The following AXIN2 variants were observed in gnomAD, a reference collection of about 807,000 sequenced individuals.
AXIN2 encodes the protein axin-2.
In AXIN2, 21 loss-of-function variants were observed where a neutral mutation model predicts 74.7. The observed-to-expected ratio is 0.28, with a 90% confidence interval of 0.20 to 0.40. The LOEUF is 0.40. Ranked by LOEUF, AXIN2 falls within the 10% of genes least tolerant of loss-of-function variation. The probability of loss-of-function intolerance (pLI) is 1.00; values close to 1 mark genes in which losing one functional copy is unlikely to be tolerated. For missense variants in AXIN2, 1,144 were observed against 1,111.1 expected (o/e 1.03, Z -0.42); for synonymous variants, 532 against 454.9 (o/e 1.17, Z -2.16).
rs1282218712 is a variant in AXIN2, at chr17:65,544,269, T to TA, written c.957-2713dup. ...TTTTTCTTCTTCCATATAATAAGGTTAAAAAAAAAAAACAGGATGGGGGTA... is the reference window on the plus strand; with the variant it reads ...TTTTTCTTCTTCCATATAATAAGGTTAAAAAAAAAAAAACAGGATGGGGGTA... On this transcript the variant is annotated intron_variant, in intron 3 of 10. Transcript: ENST00000307078. Among the ~76,000 whole-genome samples, 1,143 of 142,194 alleles carry TA rather than the reference T, an allele frequency of 8.0e-3. 8 individuals are homozygous for TA. The highest frequency in any genetic ancestry group is 0.018 in the East Asian group (92 of 4,974). 93.3% of individuals were successfully genotyped at this position (142,194 alleles called of 152,430 possible).
At chr17:65,539,430 G>A (rs758735695) in intron 4 of AXIN2, among the ~76,000 whole-genome samples, 5 of 152,174 alleles carry the variant, frequency 3.3e-5, no homozygotes, top group African/African-American at 4.8e-5. Flanking sequence ...TGATCAAAGC[G>A]CTGCCTGATG....
chr17:65,551,847 G>A (rs545372684), intron 2 of AXIN2, among the ~76,000 whole-genome samples: 1 of 152,304 alleles, frequency 6.6e-6, no homozygotes, highest in Admixed American at 6.5e-5. Context: ...CTGTGCCCTG[G>A]ATCCTGTCCG....
intron 2 of AXIN2, among the ~76,000 whole-genome samples, chr17:65,556,405 A>G (rs1447320953): frequency 6.6e-6 from 1 of 152,184 alleles, no homozygotes; most frequent in African/African-American, 2.4e-5. Flanking sequence ...CGACTGACCT[A>G]CTGCAGAGGC....
chr17:65,536,813 C>T, intron 7 of AXIN2, 56 bp downstream of exon 7: 1 of 1,608,042 alleles, frequency 6.2e-7, no homozygotes, highest in Non-Finnish European at 8.5e-7. Flanking sequence ...CCCACAATAC[C>T]TCCGTACTGA....
At chr17:65,530,895 A>C (rs576255963) in intron 10 of AXIN2, among the ~76,000 whole-genome samples, 86 of 152,198 alleles carry the variant, frequency 5.7e-4, no homozygotes, top group African/African-American at 1.9e-3. Flanking sequence ...AGGCTGTTTA[A>C]TTGTACAGAT....
rs2043773008 is a variant in AXIN2 at position 65,529,005 on chromosome 17, C to T, written c.*971G>A. ...GTGGAGGAAAGGTGCTGCTGGGTCT[C>T]CCTACAACTGTTCATTTCTTTGTGG... On this transcript the variant is annotated 3_prime_UTR_variant, in exon 11 of 11. Coordinates refer to ENST00000307078, the MANE Select transcript of AXIN2 (RefSeq NM_004655.4). 1 of 247,962 alleles carries T rather than the reference C, an allele frequency of 4.0e-6. No homozygotes were observed. The highest frequency in any genetic ancestry group is 6.0e-5 in the East Asian group (1 of 16,796). 15.4% of individuals were successfully genotyped at this position (247,962 alleles called of 1,614,324 possible). A position where few individuals can be genotyped will look rare whatever the true frequency, so the allele number is the denominator to read the frequency against.
At chr17:65,538,089 G>A (rs772490581) in intron 5 of AXIN2, 114 bp downstream of exon 5, 2 of 1,566,328 alleles carry the variant, frequency 1.3e-6, no homozygotes, top group Admixed American at 3.6e-5. Context: ...CCACGCGCAT[G>A]CGCATGCAAC....
Position 65,544,378 on chromosome 17 carries a change from A to T in AXIN2, c.957-2821T>A, listed in dbSNP as rs553592049. ...ATAAGCACCTCATACCCCGCCCCCC[A>T]TCCCCCACCACCACCACCACACACA... On this transcript the variant is annotated intron_variant, in intron 3 of 10. Coordinates refer to ENST00000307078, the MANE Select transcript of AXIN2 (RefSeq NM_004655.4). 1.5e-4 allele frequency among the ~76,000 whole-genome samples: 9 copies of T among 60,340 alleles called. No homozygotes were observed. In the East Asian group the frequency reaches 7.1e-3, roughly 48 times the overall value. The allele number at this position is 60,340 out of a possible 152,430, so 39.6% of individuals were successfully genotyped here.
intron 5 of AXIN2, 80 bp downstream of exon 5, chr17:65,538,094 TGCAACCCACGCACATGCGCACACCCTAAC>T (rs1567757024): frequency 2.4e-5 from 38 of 1,577,518 alleles, no homozygotes; most frequent in Non-Finnish European, 3.3e-5. Flanking sequence ...CGCATGCGCA[TGCAACCCACGCACATGCGCACACCCTAAC>T]GCACCCCATG....
At position 65,536,312 on chromosome 17, in the gene AXIN2, C is replaced by A; in HGVS notation, c.2141+8G>T. The A allele has an allele frequency of 6.2e-7, 1 of 1,604,102 alleles. No individual in the cohort carries two copies. ...TGCCTCAACCTAGGACCCTTCACTT[C>A]CACTCACCGCTGCTTTGGGGGCTTC... On this transcript the variant is annotated splice_region_variant and intron_variant, in intron 8 of 10. Coordinates refer to ENST00000307078, the MANE Select transcript of AXIN2 (RefSeq NM_004655.4).
chr17:65,557,789 C>A lies in AXIN2; in HGVS notation c.815+17G>T, dbSNP rs2144581557. 1 of 1,613,536 alleles carries A rather than the reference C, an allele frequency of 6.2e-7. No individual in the cohort carries two copies. The highest frequency in any genetic ancestry group is 8.5e-7 in the Non-Finnish European group (1 of 1,179,426). On this transcript the variant is annotated intron_variant, in intron 2 of 10. Transcript: ENST00000307078. ...AAGTCCACAGCATCAGCCCACCCGC[C>A]CCCGTCAAAGTCTTACCTGTATCCA...
At chr17:65,544,112 C>T (rs1355965169) in intron 3 of AXIN2, among the ~76,000 whole-genome samples, 1 of 152,128 alleles carries the variant, frequency 6.6e-6, no homozygotes, top group African/African-American at 2.4e-5. Flanking sequence ...CACCATGACA[C>T]AAGTGACATA....
intron 6 of AXIN2, 44 bp downstream of exon 6, chr17:65,537,280 G>T (rs747409563): frequency 1.2e-6 from 2 of 1,612,502 alleles, no homozygotes; most frequent in East Asian, 4.5e-5. Context: ...ACCTGGCTGG[G>T]AGACAAGCCC....
chr17:65,529,943 C>A lies in AXIN2; in HGVS notation c.*33G>T, dbSNP rs775757553. 2.5e-6 allele frequency: 4 copies of A among 1,613,996 alleles called. No individual in the cohort carries two copies. In the South Asian group the frequency reaches 3.3e-5, roughly 13 times the overall value. On this transcript the variant is annotated 3_prime_UTR_variant, in exon 11 of 11. Coordinates refer to ENST00000307078, the MANE Select transcript of AXIN2 (RefSeq NM_004655.4). Reference sequence around the variant, plus strand: ...CAAGACAGTTCACAAGAGCTTCGGGCTCCAACAGTTCACCAAAGCCAGACC... The same window carrying A: ...CAAGACAGTTCACAAGAGCTTCGGGATCCAACAGTTCACCAAAGCCAGACC...
intron 4 of AXIN2, among the ~76,000 whole-genome samples, chr17:65,538,913 G>A (rs1285505350): frequency 6.6e-6 from 1 of 152,024 alleles, no homozygotes; most frequent in Admixed American, 6.6e-5. Context: ...TTGAGGTGGT[G>A]GTGTCTCAAC....
intron 2 of AXIN2, 82 bp from the exon 3 acceptor site, chr17:65,549,742 C>CACA: frequency 6.6e-7 from 1 of 1,512,762 alleles, no homozygotes; most frequent in East Asian, 2.4e-5. Context: ...GACAACCCAG[C>CACA]ACACTATCCC....
chr17:65,534,823 G>A (rs952723825), intron 9 of AXIN2, among the ~76,000 whole-genome samples: 11 of 152,236 alleles, frequency 7.2e-5, no homozygotes, highest in Admixed American at 4.6e-4. Context: ...CCAGCTACTC[G>A]GGAGGCTGAG....
At position 65,533,902 on chromosome 17, in the gene AXIN2, G is replaced by A. The variant is rs751708304; in HGVS notation, c.2405+10C>T. 2.0e-6 allele frequency: 3 copies of A among 1,534,730 alleles called. No homozygotes were observed. Among genetic ancestry groups the A allele is most frequent in the Non-Finnish European group, 1.8e-6 (2 of 1,128,864 alleles). The stretch of plus-strand genomic sequence containing the variant: ...AAACTGAGAGCAGAAAAAAGCCACA[G>A]GACTCTTACCTATAATTTCCCTTTT... On this transcript the variant is annotated intron_variant, in intron 10 of 10. Transcript: ENST00000307078.
At chr17:65,540,566 T>C (rs141697848) in intron 4 of AXIN2, among the ~76,000 whole-genome samples, 1 of 152,322 alleles carries the variant, frequency 6.6e-6, no homozygotes, top group East Asian at 1.9e-4. Context: ...GTTGGGATGC[T>C]TGTCCCCTCC....
Sources: allele counts gnomAD v4.1 joint callset (sites outside exome capture counted in the v4.1 genomes callset), GRCh38; gene constraint gnomAD v4.1.1; transcripts MANE v1.5; gene names NCBI Gene and HGNC (gene_info 2026-07-23, HGNC 2026-07-21).